The following COL24A1 variants were observed in gnomAD, a reference collection of about 807,000 sequenced individuals.
COL24A1 encodes collagen alpha-1(XXIV) chain.
Under a neutral mutation model 253.9 loss-of-function variants are expected in COL24A1, and 224 were observed. The ratio of observed to expected loss-of-function variants is 0.88; its 90% CI spans 0.79 to 0.99. The LOEUF is 0.99. Among genes scored for constraint, COL24A1 ranks in the 50% least tolerant of loss-of-function variants. COL24A1 has a pLI of 0.00. For missense variants in COL24A1, 2,131 were observed against 2,068.5 expected (o/e 1.03, Z -0.59); for synonymous variants, 685 against 673.7 (o/e 1.02, Z -0.26).
chr1:86,127,574 C>A (rs1648506899), intron 2 of COL24A1, among the ~76,000 whole-genome samples: 1 of 151,988 alleles, frequency 6.6e-6, no homozygotes, highest in South Asian at 2.1e-4. Flanking sequence ...GCATAGTCAG[C>A]TGCATGATCT....
At chr1:86,148,455 C>T (rs1051879720) in intron 1 of COL24A1, among the ~76,000 whole-genome samples, 65 of 152,234 alleles carry the variant, frequency 4.3e-4, no homozygotes, top group South Asian at 1.7e-3. Flanking sequence ...CCCACTAACT[C>T]GTCATCTAGC....
intron 13 of COL24A1, among the ~76,000 whole-genome samples, chr1:86,033,125 T>C (rs1473671175): frequency 6.6e-6 from 1 of 152,174 alleles, no homozygotes; most frequent in Non-Finnish European, 1.5e-5. Context: ...TGAGCTAATA[T>C]AGTTTTAATT....
chr1:86,151,555 T>C (rs1310193044), intron 1 of COL24A1, among the ~76,000 whole-genome samples: 1 of 152,040 alleles, frequency 6.6e-6, no homozygotes, highest in East Asian at 1.9e-4. Flanking sequence ...AGTCCAAACA[T>C]AACCAGACAT....
At chr1:85,810,502 A>T (rs898092172) in intron 47 of COL24A1, among the ~76,000 whole-genome samples, 16 of 152,100 alleles carry the variant, frequency 1.1e-4, no homozygotes, top group African/African-American at 3.1e-4. Context: ...TGCTCTGATA[A>T]ACTTGCTTTG....
chr1:85,852,588 TGA>T (rs1171058104), intron 37 of COL24A1, among the ~76,000 whole-genome samples: 5 of 152,182 alleles, frequency 3.3e-5, no homozygotes, highest in Admixed American at 3.3e-4. Context: ...TTTATAATAT[TGA>T]GTTTTCCTAT....
chr1:86,137,515 A>C (rs1032117913), intron 2 of COL24A1, among the ~76,000 whole-genome samples: 1 of 152,194 alleles, frequency 6.6e-6, no homozygotes, highest in African/African-American at 2.4e-5. Flanking sequence ...AGGTCATCTA[A>C]GGCCAACTTC....
rs143883261 is a variant in COL24A1, at chr1:86,115,388, C to G, written c.1492-10G>C. On this transcript the variant is annotated splice_polypyrimidine_tract_variant and intron_variant, in intron 3 of 59. Coordinates refer to ENST00000370571, the MANE Select transcript of COL24A1 (RefSeq NM_152890.7). ...CTGGACCAGGTGGACCCTTGGAAAA[C>G]AAATGTCAAGACATTAGGCATGATA... 192 of 1,613,548 alleles carry G rather than the reference C, an allele frequency of 1.2e-4. 1 individual carries two copies. The East Asian group carries it at 4.2e-3, about 35-fold the overall frequency.
intron 5 of COL24A1, among the ~76,000 whole-genome samples, chr1:86,105,613 T>A (rs1364490415): frequency 6.6e-6 from 1 of 151,308 alleles, no homozygotes; most frequent in African/African-American, 2.4e-5. Flanking sequence ...AACAGTCTCC[T>A]ATGGGAGCAA....
intron 18 of COL24A1, among the ~76,000 whole-genome samples, chr1:86,017,589 T>C (rs1697121499): frequency 6.6e-6 from 1 of 152,138 alleles, no homozygotes; most frequent in African/African-American, 2.4e-5. Flanking sequence ...CTCTGAAAAT[T>C]CCTCTCTCCT....
At chr1:86,037,971 C>T (rs530391549) in intron 12 of COL24A1, among the ~76,000 whole-genome samples, 16 of 152,134 alleles carry the variant, frequency 1.1e-4, no homozygotes, top group South Asian at 8.3e-4. Context: ...AAAAGTATTA[C>T]AATTTTTATA....
chr1:86,123,989 A>T, intron 3 of COL24A1, among the ~76,000 whole-genome samples: 1 of 152,128 alleles, frequency 6.6e-6, no homozygotes, highest in East Asian at 1.9e-4. Flanking sequence ...AAATTTTGAA[A>T]AAAAATAATT....
chr1:86,026,842 T>C (rs1168444740), intron 14 of COL24A1, among the ~76,000 whole-genome samples: 3 of 152,188 alleles, frequency 2.0e-5, no homozygotes, highest in Non-Finnish European at 4.4e-5. Flanking sequence ...TAGAGACTTA[T>C]TGAATGGCTT....
chr1:85,959,327 T>G (rs1429144688), intron 24 of COL24A1, among the ~76,000 whole-genome samples: 1 of 152,114 alleles, frequency 6.6e-6, no homozygotes, highest in Non-Finnish European at 1.5e-5. Context: ...ACAAGAAAGA[T>G]AGAATCTCAA....
intron 12 of COL24A1, among the ~76,000 whole-genome samples, chr1:86,043,969 T>C (rs879290265): frequency 9.9e-5 from 15 of 152,250 alleles, no homozygotes; most frequent in Admixed American, 4.6e-4. Flanking sequence ...GTGTCATCCA[T>C]CTACTTCATA....
intron 43 of COL24A1, among the ~76,000 whole-genome samples, chr1:85,834,550 C>G (rs1675782229): frequency 1.3e-5 from 2 of 152,084 alleles, no homozygotes; most frequent in African/African-American, 4.8e-5. Flanking sequence ...GAGTGAAGGC[C>G]AAGTTGGGAT....
chr1:86,001,322 T>C (rs879617105), intron 19 of COL24A1, among the ~76,000 whole-genome samples: 1 of 152,190 alleles, frequency 6.6e-6, no homozygotes, highest in Non-Finnish European at 1.5e-5. Context: ...AACTTCAGAG[T>C]ACTTTGCTTT....
chr1:85,918,551 A>C (rs953106331), intron 24 of COL24A1, among the ~76,000 whole-genome samples: 1 of 152,182 alleles, frequency 6.6e-6, no homozygotes, highest in Non-Finnish European at 1.5e-5. Context: ...ACAAAGGTTT[A>C]TATCAGTGGT....
chr1:85,731,411 C>A (rs1663458101), intron 59 of COL24A1, among the ~76,000 whole-genome samples: 1 of 152,062 alleles, frequency 6.6e-6, no homozygotes, highest in Non-Finnish European at 1.5e-5. Context: ...TTTGAAGGAA[C>A]TTTAGAGATT....
At chr1:86,090,295 G>T (rs1055385329) in intron 6 of COL24A1, among the ~76,000 whole-genome samples, 1 of 152,160 alleles carries the variant, frequency 6.6e-6, no homozygotes, top group African/African-American at 2.4e-5. Context: ...TCTGGAAAAT[G>T]AGGTTGATAA....
Sources: gnomAD v4.1 joint callset for allele counts (sites outside exome capture counted in the v4.1 genomes callset) on GRCh38, gnomAD v4.1.1 for gene constraint, MANE v1.5 for transcripts, NCBI Gene and HGNC (gene_info 2026-07-23, HGNC 2026-07-21) for gene names.